The following VRK2 variants were observed in gnomAD, a reference collection of about 807,000 sequenced individuals.
VRK2 encodes VRK serine/threonine kinase 2, also known as serine/threonine-protein kinase VRK2.
In VRK2, 60 loss-of-function variants were observed where a neutral mutation model predicts 57.6. The observed-to-expected ratio is 1.04, with a 90% confidence interval of 0.85 to 1.29. VRK2 has a LOEUF of 1.29. VRK2 is among the 50% of genes most tolerant of loss of function. VRK2 has a pLI of 0.00. For synonymous variants in VRK2, 231 were observed against 199.2 expected (o/e 1.16, Z -1.35); for missense variants, 705 against 588.1 (o/e 1.20, Z -2.06).
At chr2:58,159,317 C>CT (rs1684665119) in intron 12 of VRK2, 32 bp from the exon 13 acceptor site, 1 of 1,515,382 alleles carries the variant, frequency 6.6e-7, no homozygotes, top group South Asian at 1.3e-5. Context: ...TCACGTCTAA[C>CT]AAACTAAACT....
At chr2:58,130,390 T>C (rs1321853645) in intron 8 of VRK2, among the ~76,000 whole-genome samples, 2 of 152,086 alleles carry the variant, frequency 1.3e-5, no homozygotes, top group Non-Finnish European at 2.9e-5. Context: ...GTGGTAGAGA[T>C]TGTGTTTTTA....
intron 1 of VRK2, among the ~76,000 whole-genome samples, chr2:57,991,337 A>G (rs1230012610): frequency 1.3e-5 from 2 of 151,976 alleles, no homozygotes; most frequent in Non-Finnish European, 2.9e-5. Flanking sequence ...ACTAAAAAAA[A>G]GGTAAATATT....
intron 1 of VRK2, among the ~76,000 whole-genome samples, chr2:58,012,476 T>G (rs1205067842): frequency 6.6e-6 from 1 of 152,222 alleles, no homozygotes; most frequent in Non-Finnish European, 1.5e-5. Context: ...AGAGGTTTTT[T>G]TTAAGGCTTT....
rs116607075 is a variant in VRK2, at chr2:57,939,143, C to A, written c.-439+31304C>A. 4.1e-3 allele frequency among the ~76,000 whole-genome samples: 620 copies of A among 152,234 alleles called. 5 individuals carry two copies. Among genetic ancestry groups the A allele is most frequent in the African/African-American group, 0.014 (586 of 41,528 alleles). On this transcript the variant is annotated intron_variant, in intron 1 of 15. Transcript: ENST00000417641. ...AAACAGAATGTATACATGCTTGGAG[C>A]CAGTTCTCTTAGTTTCATTGAATCA...
chr2:57,936,526 T>A (rs551444069), intron 1 of VRK2, among the ~76,000 whole-genome samples: 1 of 148,270 alleles, frequency 6.7e-6, no homozygotes, highest in South Asian at 2.1e-4. Context: ...TTGTTTTGTT[T>A]TTTTGTTTTT....
intron 1 of VRK2, among the ~76,000 whole-genome samples, chr2:58,003,997 C>T (rs544729928): frequency 6.6e-6 from 1 of 152,158 alleles, no homozygotes; most frequent in South Asian, 2.1e-4. Context: ...TCCAGACTGC[C>T]ATTTTGCAAA....
At chr2:58,134,942 A>T (rs552860186) in intron 9 of VRK2, among the ~76,000 whole-genome samples, 199 bp from the exon 10 acceptor site, 2 of 152,262 alleles carry the variant, frequency 1.3e-5, no homozygotes, top group East Asian at 3.9e-4. Context: ...GGTTATTGAT[A>T]TAAAATTAGT....
At chr2:57,945,353 T>C (rs1671229222) in intron 1 of VRK2, among the ~76,000 whole-genome samples, 1 of 152,140 alleles carries the variant, frequency 6.6e-6, no homozygotes, top group African/African-American at 2.4e-5. Context: ...TCAAATCTCT[T>C]GTGTAAATGA....
At chr2:57,974,160 AT>A (rs1672176287) in intron 1 of VRK2, among the ~76,000 whole-genome samples, 1 of 152,036 alleles carries the variant, frequency 6.6e-6, no homozygotes, top group African/African-American at 2.4e-5. Context: ...GGAAAGCCAT[AT>A]AAGGTTTTTA....
intron 1 of VRK2, among the ~76,000 whole-genome samples, chr2:58,002,264 G>A (rs1277407382): frequency 6.6e-6 from 1 of 152,180 alleles, no homozygotes; most frequent in Non-Finnish European, 1.5e-5. Context: ...ATCACCCGAT[G>A]TCAGGAGTTC....
intron 1 of VRK2, among the ~76,000 whole-genome samples, chr2:57,966,144 A>G (rs1454699958): frequency 2.6e-5 from 4 of 151,854 alleles, no homozygotes; most frequent in African/African-American, 7.3e-5. Context: ...ACAGTTTATT[A>G]CTCACACTCA....
chr2:57,956,821 C>T (rs956126731), intron 1 of VRK2, among the ~76,000 whole-genome samples: 1 of 152,122 alleles, frequency 6.6e-6, no homozygotes, highest in African/African-American at 2.4e-5. Context: ...TAACTTGTTA[C>T]TTCCTTATTA....
chr2:57,955,458 A>G lies in VRK2; in HGVS notation c.-439+47619A>G, dbSNP rs185274109. On this transcript the variant is annotated intron_variant, in intron 1 of 15. Coordinates refer to the VRK2 transcript ENST00000417641. ...GAGTAGATCAGGAATTACATTAGAA[A>G]ACATTAAAAAGTATTATCATCAGAT... Among the ~76,000 whole-genome samples, 61 of 152,288 alleles carry G rather than the reference A, an allele frequency of 4.0e-4. No homozygotes were observed. In the East Asian group the frequency reaches 0.012, roughly 29 times the overall value.
chr2:58,093,324 T>C (rs1558626566), intron 7 of VRK2, among the ~76,000 whole-genome samples: 1 of 152,132 alleles, frequency 6.6e-6, no homozygotes, highest in Admixed American at 6.5e-5. Flanking sequence ...CTCCAGCGCC[T>C]GTTGTTTCCT....
intron 8 of VRK2, among the ~76,000 whole-genome samples, chr2:58,125,696 T>C (rs901110087): frequency 2.0e-5 from 3 of 152,112 alleles, no homozygotes; most frequent in Non-Finnish European, 4.4e-5. Flanking sequence ...CATATTGATA[T>C]ATATATATGT....
At chr2:58,053,366 G>A (rs1572864925) in intron 2 of VRK2, among the ~76,000 whole-genome samples, 1 of 152,186 alleles carries the variant, frequency 6.6e-6, no homozygotes, top group East Asian at 1.9e-4. Context: ...TCCATGGACA[G>A]ATGTTTAAAT....
chr2:58,097,126 A>G (rs1408485607), intron 7 of VRK2, among the ~76,000 whole-genome samples: 3 of 152,058 alleles, frequency 2.0e-5, no homozygotes, highest in South Asian at 2.1e-4. Context: ...AGAAAAAGGT[A>G]GTCTTATTTT....
At chr2:58,051,197 T>C (rs184636130) in intron 2 of VRK2, among the ~76,000 whole-genome samples, 1,537 of 152,294 alleles carry the variant, frequency 0.01, 10 homozygotes, top group Non-Finnish European at 0.016. Context: ...CAATATATTT[T>C]CAGGGTTCAA....
chr2:58,105,225 A>G (rs1674560750), intron 7 of VRK2, among the ~76,000 whole-genome samples: 1 of 151,948 alleles, frequency 6.6e-6, no homozygotes, highest in Non-Finnish European at 1.5e-5. Context: ...TAAACTGAAA[A>G]ACCTCTGCAC....
Sources: gnomAD v4.1 joint callset for allele counts (sites outside exome capture counted in the v4.1 genomes callset) on GRCh38, gnomAD v4.1.1 for gene constraint, MANE v1.5 for transcripts, NCBI Gene and HGNC (gene_info 2026-07-23, HGNC 2026-07-21) for gene names.